Variants in MAGI2 observed in about 807,000 individuals in gnomAD.
MAGI2 encodes membrane associated guanylate kinase, WW and PDZ domain containing 2.
MAGI2 carries 35 observed loss-of-function variants against 133.3 expected under a neutral mutation model. The ratio of observed to expected loss-of-function variants is 0.26; its 90% CI spans 0.20 to 0.35. The LOEUF (loss-of-function observed/expected upper bound fraction) is 0.35, where lower values mean the gene tolerates loss of function less well. MAGI2 is among the 10% of genes least tolerant of loss of function. The probability of loss-of-function intolerance (pLI) is 1.00; values close to 1 mark genes in which losing one functional copy is unlikely to be tolerated. For synonymous variants in MAGI2, 729 were observed against 710.6 expected (o/e 1.03, Z -0.41); for missense variants, 1,636 against 1,863.4 (o/e 0.88, Z 2.25).
At chr7:79,306,267 ATATTT>A (rs1163836986) in intron 1 of MAGI2, among the ~76,000 whole-genome samples, 1 of 146,608 alleles carries the variant, frequency 6.8e-6, no homozygotes, top group Non-Finnish European at 1.5e-5. Flanking sequence ...ATATTTATAT[ATATTT>A]TATTTATATG....
chr7:78,894,763 T>C (rs752430842), intron 2 of MAGI2, among the ~76,000 whole-genome samples: 25 of 152,172 alleles, frequency 1.6e-4, no homozygotes, highest in Non-Finnish European at 3.4e-4. Context: ...AATTCAAGTG[T>C]TCAAAGTAAG....
intron 2 of MAGI2, among the ~76,000 whole-genome samples, chr7:78,909,991 T>C (rs1425475935): frequency 6.6e-6 from 1 of 152,050 alleles, no homozygotes; most frequent in African/African-American, 2.4e-5. Flanking sequence ...TGCAGGGACA[T>C]GGATGAAGCT....
chr7:78,393,695 A>G (rs1796097883), intron 6 of MAGI2, among the ~76,000 whole-genome samples: 5 of 152,236 alleles, frequency 3.3e-5, no homozygotes, highest in Admixed American at 3.3e-4. Context: ...AGTGAGAGAC[A>G]TTGACAAGGA....
In MAGI2 at chr7:78,928,129, T is replaced by A. The variant is rs374968224; in HGVS notation, c.418+78961A>T. On this transcript the variant is annotated intron_variant, in intron 2 of 21. Transcript: ENST00000354212. ...TTCCACTTATTAATAATATATAGCA[T>A]AGGATTTTCACATTTCAAAAAGTAA... is the stretch of plus-strand genomic sequence containing the variant. 2.9e-4 allele frequency among the ~76,000 whole-genome samples: 44 copies of A among 152,070 alleles called. No homozygotes were observed. In the South Asian group the frequency reaches 5.8e-3, roughly 20 times the overall value.
chr7:79,336,831 G>A (rs1459606181), intron 1 of MAGI2, among the ~76,000 whole-genome samples: 1 of 152,068 alleles, frequency 6.6e-6, no homozygotes, highest in African/African-American at 2.4e-5. Context: ...AATAACAGTT[G>A]TTAGGGGGAT....
intron 21 of MAGI2, among the ~76,000 whole-genome samples, chr7:78,066,896 C>T: frequency 6.6e-6 from 1 of 152,178 alleles, no homozygotes; most frequent in East Asian, 1.9e-4. Context: ...CACTGATTCT[C>T]CCCGTCTGCA....
chr7:78,225,837 ATTC>A (rs1313228603), intron 10 of MAGI2, among the ~76,000 whole-genome samples: 1 of 152,174 alleles, frequency 6.6e-6, no homozygotes. Flanking sequence ...ATAAATTAAA[ATTC>A]TTCTTTTAGT....
At chr7:79,126,752 A>C (rs2129545026) in intron 1 of MAGI2, among the ~76,000 whole-genome samples, 1 of 151,974 alleles carries the variant, frequency 6.6e-6, no homozygotes, top group Middle Eastern at 3.4e-3. Context: ...GCCCATTTAC[A>C]ATGTCCCCCA....
chr7:79,114,266 C>T (rs999742734), intron 1 of MAGI2, among the ~76,000 whole-genome samples: 12 of 152,178 alleles, frequency 7.9e-5, no homozygotes, highest in African/African-American at 2.9e-4. Context: ...AGAACACTTT[C>T]CTCCTTACTC....
intron 1 of MAGI2, among the ~76,000 whole-genome samples, chr7:79,327,215 C>T (rs1453099096): frequency 6.6e-6 from 1 of 152,038 alleles, no homozygotes; most frequent in African/African-American, 2.4e-5. Context: ...TGACGATTAA[C>T]GTTTAGACAG....
intron 11 of MAGI2, 21 bp from the exon 12 acceptor site, chr7:78,195,084 G>A: frequency 6.4e-7 from 1 of 1,563,754 alleles, no homozygotes; most frequent in South Asian, 1.2e-5. Context: ...ACAGAGGACA[G>A]AGAAAATGAC....
intron 8 of MAGI2, among the ~76,000 whole-genome samples, chr7:78,344,494 A>G (rs564507768): frequency 2.0e-5 from 3 of 152,358 alleles, no homozygotes; most frequent in Admixed American, 2.0e-4. Flanking sequence ...CAATATCACA[A>G]ACAGAGAAAC....
At chr7:78,717,005 C>T (rs895010623) in intron 2 of MAGI2, among the ~76,000 whole-genome samples, 1 of 152,118 alleles carries the variant, frequency 6.6e-6, no homozygotes, top group African/African-American at 2.4e-5. Flanking sequence ...TCTTGTGGGA[C>T]AGGTCCCAGG....
intron 9 of MAGI2, among the ~76,000 whole-genome samples, chr7:78,322,414 G>A (rs1190396765): frequency 2.0e-5 from 3 of 152,166 alleles, no homozygotes; most frequent in African/African-American, 4.8e-5. Flanking sequence ...TATACACCAT[G>A]GAATACTATG....
intron 2 of MAGI2, among the ~76,000 whole-genome samples, chr7:78,899,439 A>G (rs555260861): frequency 2.0e-5 from 3 of 152,316 alleles, no homozygotes; most frequent in Admixed American, 1.3e-4. Context: ...TAGGCACTAC[A>G]AGCAATGAAT....
intron 2 of MAGI2, among the ~76,000 whole-genome samples, chr7:78,669,237 A>T (rs1255521803): frequency 1.3e-5 from 2 of 152,158 alleles, no homozygotes; most frequent in Non-Finnish European, 2.9e-5. Flanking sequence ...GATAAAGGGG[A>T]TATCACCACC....
At chr7:79,124,726 A>G (rs1210997219) in intron 1 of MAGI2, 2 of 154,342 alleles carry the variant, frequency 1.3e-5, no homozygotes, top group African/African-American at 2.4e-5. Flanking sequence ...GCCTACTACC[A>G]TCAAGTGCAA....
chr7:78,313,129 G>T lies in MAGI2; in HGVS notation c.1408+30649C>A, dbSNP rs1798861179. ...ATACTACATGTTCTGACTTATAAGT[G>T]GGAGCTAAACAATGTGCACACATGG... On this transcript the variant is annotated intron_variant, in intron 9 of 21. Transcript: ENST00000354212. Among the ~76,000 whole-genome samples, 4 of 151,940 alleles carry T rather than the reference G, an allele frequency of 2.6e-5. No individual in the cohort carries two copies. The South Asian group carries it at 8.3e-4, about 32-fold the overall frequency.
intron 2 of MAGI2, among the ~76,000 whole-genome samples, chr7:78,672,795 C>G (rs974426266): frequency 3.9e-5 from 6 of 152,240 alleles, no homozygotes; most frequent in Admixed American, 2.6e-4. Flanking sequence ...TTTAACAAGC[C>G]CTTCAGGTGA....
Sources: gnomAD v4.1 joint callset for allele counts (sites outside exome capture counted in the v4.1 genomes callset) on GRCh38, gnomAD v4.1.1 for gene constraint, MANE v1.5 for transcripts, NCBI Gene and HGNC (gene_info 2026-07-23, HGNC 2026-07-21) for gene names.